TSPAN5: variants seen among roughly 807,000 people sequenced by gnomAD.
TSPAN5 encodes tetraspanin-5.
Under a neutral mutation model 37.1 loss-of-function variants are expected in TSPAN5, and 10 were observed. The ratio of observed to expected loss-of-function variants is 0.27; its 90% confidence interval spans 0.17 to 0.46. The LOEUF is 0.46. Among genes scored for constraint, TSPAN5 ranks in the 20% least tolerant of loss-of-function variants. The pLI is 1.00. For missense variants in TSPAN5, 195 were observed against 326.6 expected (o/e 0.60, Z 3.11); for synonymous variants, 110 against 118.9 (o/e 0.93, Z 0.48).
intron 1 of TSPAN5, among the ~76,000 whole-genome samples, chr4:98,568,979 C>T (rs1442263359): frequency 6.6e-6 from 1 of 152,220 alleles, no homozygotes. Context: ...TCAGGACCCA[C>T]TGGCAAAGTC....
chr4:98,560,237 G>A (rs1411301417), intron 1 of TSPAN5: 2 of 152,192 alleles, frequency 1.3e-5, no homozygotes, highest in Non-Finnish European at 2.9e-5. Context: ...TAGCAATGAA[G>A]AGAGTGGCTC....
At position 98,492,943 on chromosome 4, in the gene TSPAN5, C is replaced by T. The variant is rs75028701; in HGVS notation, c.133-6059G>A. 1.2e-4 allele frequency among the ~76,000 whole-genome samples: 18 copies of T among 152,136 alleles called. No homozygotes were observed. In the East Asian group the frequency reaches 3.3e-3, roughly 28 times the overall value. ...GAAAAAAATCAATACATTGGGAGGC[C>T]GAGGTAGGGGGATTGCCTGAAGCCA... On this transcript the variant is annotated intron_variant, in intron 2 of 7. Coordinates refer to ENST00000305798, the MANE Select transcript of TSPAN5 (RefSeq NM_005723.4).
rs138096894 is a variant in TSPAN5 at position 98,611,080 on chromosome 4, A to C, written c.81+47066T>G. ...TGGTGACAAACGGAGCCATCTGGACAGCCAGGCATGGAGGAAGGCAGAGGA... is the reference window on the plus strand; with the variant it reads ...TGGTGACAAACGGAGCCATCTGGACCGCCAGGCATGGAGGAAGGCAGAGGA... On this transcript the variant is annotated intron_variant, in intron 1 of 7. Coordinates refer to ENST00000305798, the MANE Select transcript of TSPAN5 (RefSeq NM_005723.4). 7.7e-3 allele frequency among the ~76,000 whole-genome samples: 1,174 copies of C among 152,368 alleles called. 4 individuals are homozygous for C. Among genetic ancestry groups the C allele is most frequent in the Non-Finnish European group, 0.011 (742 of 68,040 alleles).
chr4:98,572,774 T>A (rs1479273167), intron 1 of TSPAN5, among the ~76,000 whole-genome samples: 2 of 152,222 alleles, frequency 1.3e-5, no homozygotes, highest in African/African-American at 2.4e-5. Context: ...AATATGGAGA[T>A]GAAAAGATGT....
intron 3 of TSPAN5, chr4:98,484,800 TAA>T (rs113635952): frequency 5.2e-4 from 131 of 250,486 alleles, no homozygotes; most frequent in African/African-American, 1.3e-3. Context: ...CATCTTTACT[TAA>T]AAAAAAAAAA....
chr4:98,474,251 A>T (rs1325471906), intron 7 of TSPAN5, among the ~76,000 whole-genome samples: 1 of 152,046 alleles, frequency 6.6e-6, no homozygotes, highest in Non-Finnish European at 1.5e-5. Flanking sequence ...ATTATTTTGC[A>T]TATCTAGTTT....
intron 1 of TSPAN5, among the ~76,000 whole-genome samples, chr4:98,557,777 A>AT (rs1245090930): frequency 1.3e-5 from 2 of 152,210 alleles, no homozygotes; most frequent in Non-Finnish European, 2.9e-5. Flanking sequence ...TGTTGACAGG[A>AT]TGTACCCCTG....
intron 1 of TSPAN5, among the ~76,000 whole-genome samples, chr4:98,633,354 G>C (rs1196246619): frequency 2.6e-5 from 4 of 152,102 alleles, no homozygotes; most frequent in Non-Finnish European, 5.9e-5. Flanking sequence ...AAACAAGAGA[G>C]ACTCACCTAA....
At chr4:98,579,976 A>C (rs1396109391) in intron 1 of TSPAN5, among the ~76,000 whole-genome samples, 2 of 152,220 alleles carry the variant, frequency 1.3e-5, no homozygotes, top group Non-Finnish European at 2.9e-5. Context: ...AACGTATCAT[A>C]TATATGACTA....
chr4:98,572,538 T>C (rs551510924), intron 1 of TSPAN5, among the ~76,000 whole-genome samples: 3 of 152,334 alleles, frequency 2.0e-5, no homozygotes, highest in Non-Finnish European at 2.9e-5. Context: ...ATAAACACTA[T>C]AAAGCCTACT....
intron 1 of TSPAN5, among the ~76,000 whole-genome samples, chr4:98,602,194 T>G (rs1755899271): frequency 6.6e-6 from 1 of 152,148 alleles, no homozygotes; most frequent in Non-Finnish European, 1.5e-5. Flanking sequence ...AAAATGGCAC[T>G]GATACTCTTG....
Position 98,589,869 on chromosome 4 carries a change from T to C in TSPAN5, c.81+68277A>G, listed in dbSNP as rs757805431. On this transcript the variant is annotated intron_variant, in intron 1 of 7. Transcript: ENST00000305798. ...ATGGGAATGTCTCTGTGGAAGGTGG[T>C]GGGGTTTTTCTCCCCTTTTTCTCTT... 3.1e-4 allele frequency among the ~76,000 whole-genome samples: 47 copies of C among 152,178 alleles called. 4 individuals carry two copies. Among genetic ancestry groups the C allele is most frequent in the Non-Finnish European group, 2.9e-5 (2 of 68,018 alleles).
chr4:98,573,590 C>T (rs770838242), intron 1 of TSPAN5, among the ~76,000 whole-genome samples: 7 of 152,190 alleles, frequency 4.6e-5, no homozygotes, highest in Non-Finnish European at 1.0e-4. Flanking sequence ...ATAACAACTA[C>T]AAGAGAATCT....
intron 1 of TSPAN5, among the ~76,000 whole-genome samples, chr4:98,539,673 A>G (rs1378365937): frequency 6.6e-6 from 1 of 152,134 alleles, no homozygotes; most frequent in Non-Finnish European, 1.5e-5. Context: ...CATAATTTTA[A>G]TTTACATGCT....
chr4:98,535,852 G>A (rs758572966), intron 1 of TSPAN5, among the ~76,000 whole-genome samples: 5 of 151,940 alleles, frequency 3.3e-5, no homozygotes, highest in Non-Finnish European at 5.9e-5. Flanking sequence ...TATGCTTCAC[G>A]AAGTTCTTGT....
intron 1 of TSPAN5, among the ~76,000 whole-genome samples, chr4:98,608,200 C>T (rs192095209): frequency 8.1e-4 from 123 of 152,290 alleles, no homozygotes; most frequent in African/African-American, 2.8e-3. Context: ...CAGACATTCC[C>T]GTTCCCTATC....
intron 1 of TSPAN5, among the ~76,000 whole-genome samples, chr4:98,589,060 A>C (rs1755560923): frequency 6.6e-6 from 1 of 152,208 alleles, no homozygotes; most frequent in Non-Finnish European, 1.5e-5. Flanking sequence ...TGTTGGAACC[A>C]GACTCCACAC....
chr4:98,589,899 G>T (rs190250121), intron 1 of TSPAN5, among the ~76,000 whole-genome samples: 1 of 152,110 alleles, frequency 6.6e-6, no homozygotes, highest in Non-Finnish European at 1.5e-5. Flanking sequence ...TCTCTTTAAA[G>T]AATCTGCTGA....
At chr4:98,486,997 A>C in intron 2 of TSPAN5, 113 bp from the exon 3 acceptor site, 5 of 1,005,104 alleles carry the variant, frequency 5.0e-6, no homozygotes, top group Non-Finnish European at 7.4e-6. Context: ...TTCAGAGGGC[A>C]TCTGATTATC....
Sources: gnomAD v4.1 joint callset for allele counts (sites outside exome capture counted in the v4.1 genomes callset) on GRCh38, gnomAD v4.1.1 for gene constraint, MANE v1.5 for transcripts, NCBI Gene and HGNC (gene_info 2026-07-23, HGNC 2026-07-21) for gene names.